Variants in CTNNA2 observed in about 807,000 individuals in gnomAD.
The protein encoded by CTNNA2 is catenin alpha 2.
CTNNA2 carries 42 observed loss-of-function variants against 101.0 expected under a neutral mutation model. The observed-to-expected ratio is 0.42, with a 90% CI of 0.32 to 0.54. The LOEUF is 0.54. Among genes scored for constraint, CTNNA2 ranks in the 20% least tolerant of loss-of-function variants. CTNNA2 has a pLI of 0.14. For synonymous variants in CTNNA2, 450 were observed against 456.4 expected (o/e 0.99, Z 0.18); for missense variants, 871 against 1,223.1 (o/e 0.71, Z 4.29).
chr2:80,572,830 G>A (rs1694715071), intron 12 of CTNNA2: 2 of 152,130 alleles, frequency 1.3e-5, no homozygotes, highest in South Asian at 4.1e-4. Context: ...TTCATCCATA[G>A]AAGGAGATTT....
chr2:80,093,139 G>A lies in CTNNA2; in HGVS notation c.1056+183342G>A, dbSNP rs535219053. Among the ~76,000 whole-genome samples, 8 of 151,916 alleles carry A rather than the reference G, an allele frequency of 5.3e-5. No individual in the cohort carries two copies. The South Asian group carries it at 8.3e-4, about 16-fold the overall frequency. ...CATTTAGCATTAGGTATATCTCCTA[G>A]TGCTATCCCCCCTGCTCCCCCAACC... On this transcript the variant is annotated intron_variant, in intron 7 of 18. Transcript: ENST00000402739.
chr2:80,175,150 G>A (rs1383341103), intron 7 of CTNNA2, among the ~76,000 whole-genome samples: 1 of 151,824 alleles, frequency 6.6e-6, no homozygotes, highest in African/African-American at 2.4e-5. Context: ...CCACTCTTTC[G>A]GGATATAGGA....
intron 7 of CTNNA2, among the ~76,000 whole-genome samples, chr2:80,144,337 A>AGAAAGCTATAGAACTTGT: frequency 6.6e-6 from 1 of 152,208 alleles, no homozygotes; most frequent in Non-Finnish European, 1.5e-5. Context: ...CAATACCAGA[A>AGAAAGCTATAGAACTTGT]GAAAGCTATA....
At chr2:79,308,465 C>A (rs1428053285) in intron 2 of CTNNA2, among the ~76,000 whole-genome samples, 1 of 152,198 alleles carries the variant, frequency 6.6e-6, no homozygotes. Flanking sequence ...TCTTTTCACT[C>A]TGTGGATTGT....
chr2:79,937,213 A>G (rs574000765), intron 7 of CTNNA2, among the ~76,000 whole-genome samples: 78 of 152,204 alleles, frequency 5.1e-4, no homozygotes, highest in Non-Finnish European at 8.4e-4. Context: ...TTTTTGTTTC[A>G]AATGTAAGCC....
At chr2:80,234,384 C>T (rs1230046645) in intron 7 of CTNNA2, among the ~76,000 whole-genome samples, 3 of 152,188 alleles carry the variant, frequency 2.0e-5, no homozygotes, top group Non-Finnish European at 4.4e-5. Context: ...CTTCGTAGAA[C>T]CTTTCCCCCA....
At position 79,699,788 on chromosome 2, in the gene CTNNA2, TACACACACACACACAC is replaced by T. The variant is rs377095429; in HGVS notation, c.103-44570_103-44555del. On this transcript the variant is annotated intron_variant, in intron 2 of 18. Coordinates refer to ENST00000402739, the MANE Select transcript of CTNNA2 (RefSeq NM_001282597.3). ...AAAATTTAGTCCAAAAAGAAAAAAA[TACACACACACACACAC>T]ACACACACACACACACACACACACA... Among the ~76,000 whole-genome samples the T allele has an allele frequency of 9.3e-4, 112 of 119,996 alleles. 1 individual carries two copies. Among genetic ancestry groups the T allele is most frequent in the East Asian group, 5.1e-3 (18 of 3,548 alleles). 78.7% of individuals were successfully genotyped at this position (119,996 alleles called of 152,430 possible).
intron 4 of CTNNA2, among the ~76,000 whole-genome samples, chr2:79,435,198 C>T (rs1678700246): frequency 1.3e-5 from 2 of 152,106 alleles, no homozygotes; most frequent in Non-Finnish European, 2.9e-5. Flanking sequence ...GCATTAAAAG[C>T]TACAAGGTTA....
intron 4 of CTNNA2, among the ~76,000 whole-genome samples, chr2:79,458,474 T>C (rs1247623836): frequency 1.3e-5 from 2 of 152,092 alleles, no homozygotes; most frequent in Non-Finnish European, 2.9e-5. Flanking sequence ...ATTAGTGAGA[T>C]TTTTCATTAG....
At chr2:79,505,747 A>C (rs913246274) in intron 5 of CTNNA2, among the ~76,000 whole-genome samples, 4 of 152,214 alleles carry the variant, frequency 2.6e-5, no homozygotes, top group Non-Finnish European at 5.9e-5. Flanking sequence ...ATAGATGGGA[A>C]TAGACATTGG....
At chr2:80,148,452 G>C (rs1349650454) in intron 7 of CTNNA2, among the ~76,000 whole-genome samples, 2 of 152,224 alleles carry the variant, frequency 1.3e-5, no homozygotes, top group African/African-American at 4.8e-5. Context: ...GCAAATAGCT[G>C]CCTAAAGGCC....
At chr2:79,430,462 T>C (rs556436015) in intron 4 of CTNNA2, among the ~76,000 whole-genome samples, 10 of 152,258 alleles carry the variant, frequency 6.6e-5, no homozygotes, top group Non-Finnish European at 1.5e-4. Flanking sequence ...ATGTAGCTAA[T>C]GGTTTGAGTT....
intron 9 of CTNNA2, among the ~76,000 whole-genome samples, chr2:80,432,917 G>A (rs1159697783): frequency 7.2e-5 from 11 of 152,126 alleles, no homozygotes; most frequent in Admixed American, 6.5e-4. Context: ...CTGCCTGTAT[G>A]AGAAAAGGTG....
At chr2:79,441,807 C>T (rs1046905130) in intron 4 of CTNNA2, among the ~76,000 whole-genome samples, 6 of 152,102 alleles carry the variant, frequency 3.9e-5, no homozygotes, top group African/African-American at 7.2e-5. Context: ...ACATGAAAAC[C>T]GTCTCCAGCC....
intron 6 of CTNNA2, among the ~76,000 whole-genome samples, chr2:79,897,450 T>A (rs1404262223): frequency 1.3e-5 from 2 of 152,178 alleles, no homozygotes; most frequent in Non-Finnish European, 2.9e-5. Context: ...TAAAAATAGC[T>A]ATTTGAAATG....
At chr2:79,529,264 GAACCATCTGAATGTGAGATTCAGGAC>G (rs1448546913) in intron 1 of CTNNA2, among the ~76,000 whole-genome samples, 1 of 152,112 alleles carries the variant, frequency 6.6e-6, no homozygotes, top group Non-Finnish European at 1.5e-5. Context: ...GAAGACTTAG[GAACCATCTGAATGTGAGATTCAGGAC>G]AAAGGCAAAG....
chr2:79,629,022 C>T (rs1210929957), intron 1 of CTNNA2, among the ~76,000 whole-genome samples: 3 of 152,126 alleles, frequency 2.0e-5, no homozygotes, highest in African/African-American at 4.8e-5. Context: ...CCTGTTGTAC[C>T]AAGAATAAAA....
chr2:79,855,682 G>A (rs1242182051), intron 3 of CTNNA2, among the ~76,000 whole-genome samples: 1 of 152,088 alleles, frequency 6.6e-6, no homozygotes, highest in African/African-American at 2.4e-5. Context: ...ACCATGCTAG[G>A]GCTCATACCG....
rs150916037 is a variant in CTNNA2 at position 79,743,318 on chromosome 2, G to T, written c.103-1069G>T. 3.3e-3 allele frequency among the ~76,000 whole-genome samples: 502 copies of T among 152,236 alleles called. 4 individuals are homozygous for T. The highest frequency in any genetic ancestry group is 0.011 in the African/African-American group (473 of 41,550). On this transcript the variant is annotated intron_variant, in intron 2 of 18. Coordinates refer to ENST00000402739, the MANE Select transcript of CTNNA2 (RefSeq NM_001282597.3). ...ATAGGAGATAACATGTTGCTCAAAA[G>T]ATATTAATAGCCTTTTTAGCAAATT...
Sources: allele counts gnomAD v4.1 joint callset (sites outside exome capture counted in the v4.1 genomes callset), GRCh38; gene constraint gnomAD v4.1.1; transcripts MANE v1.5; gene names NCBI Gene and HGNC (gene_info 2026-07-23, HGNC 2026-07-21).